Variants in SPO11 observed in about 807,000 individuals in gnomAD.
SPO11 encodes SPO11 initiator of meiotic double strand breaks, also known as meiotic recombination protein SPO11.
SPO11 carries 49 observed loss-of-function variants against 51.6 expected under a neutral mutation model. That is an observed-to-expected ratio of 0.95 (90% confidence interval 0.75 to 1.20). The LOEUF is 1.20. SPO11 is among the 50% of genes most tolerant of loss of function. The pLI, the probability that SPO11 is intolerant of heterozygous loss-of-function variation, is 0.00. For synonymous variants in SPO11, 176 were observed against 158.2 expected, an observed-to-expected ratio of 1.11 and a Z score of -0.84; for missense variants, 431 against 473.4, an observed-to-expected ratio of 0.91 and a Z score of 0.83.
rs566938450 is a variant in SPO11 at position 57,340,145 on chromosome 20, G to C, written c.926G>C (p.Arg309Thr). 5.6e-6 allele frequency: 9 copies of C among 1,612,740 alleles called. No individual in the cohort carries two copies. In the South Asian group the frequency reaches 9.9e-5, roughly 18 times the overall value. The change falls in exon 11 of 13, where the codon AGA (arginine) becomes ACA (threonine). Residue 309 changes from arginine (R) to threonine (T), a missense_variant. Coordinates refer to ENST00000371263, the MANE Select transcript of SPO11 (RefSeq NM_012444.3). ...EAHHLTVPAI[R>T]WLGLLPSDLK... Reference sequence around the variant, plus strand: ...CATCATCTCACAGTTCCAGCTATTAGATGGCTTGGTCTTCTCCCTTCTGAT... The same window carrying C: ...CATCATCTCACAGTTCCAGCTATTACATGGCTTGGTCTTCTCCCTTCTGAT...
At chr20:57,332,046 TTTACCTTGCC>T in intron 2 of SPO11, 100 bp downstream of exon 2, 1 of 665,898 alleles carries the variant, frequency 1.5e-6, no homozygotes, top group African/African-American at 1.9e-5. Context: ...TTTTATTGCC[TTTACCTTGCC>T]AAAAAAAAGG....
intron 9 of SPO11, 29 bp downstream of exon 9, chr20:57,338,404 A>G: frequency 7.0e-7 from 1 of 1,426,956 alleles, no homozygotes; most frequent in Non-Finnish European, 9.8e-7. Context: ...ATTTACAACA[A>G]TAGTCATAAC....
chr20:57,338,447 T>C, intron 9 of SPO11, 72 bp downstream of exon 9: 4 of 433,964 alleles, frequency 9.2e-6, no homozygotes, highest in Non-Finnish European at 1.4e-5. Context: ...TTTCTTCCTC[T>C]TTTTTTTTTT....
In SPO11 at chr20:57,334,794, C is replaced by G. The variant is rs765806190; in HGVS notation, c.555C>G (p.Ile185Met). ...TAATTGCTGGCAACTTAAGATACAT[C>G]GAGGAAGATGGCACCAAAGTGAATT... ...KGLIAGNLRY[I>M]EEDGTKVNCT... The change falls in exon 6 of 13, where the codon ATC becomes ATG. Residue 185 changes from isoleucine to methionine, a missense_variant. This residue lies in a region of SPO11 where 405 missense variants were observed against 425.9 expected (regional missense o/e 0.95). Transcript: ENST00000371263. The G allele has an allele frequency of 2.5e-6, 4 of 1,613,682 alleles. No individual in the cohort carries two copies. The highest frequency in any genetic ancestry group is 1.7e-6 in the Non-Finnish European group (2 of 1,179,850).
At position 57,330,016 on chromosome 20, in the gene SPO11, G is replaced by A. The variant is rs1220537417; in HGVS notation, c.131+18G>A. 3 of 1,565,728 alleles carry A rather than the reference G, an allele frequency of 1.9e-6. No individual in the cohort carries two copies. The highest frequency in any genetic ancestry group is 1.1e-5 in the South Asian group (1 of 87,348). On this transcript the variant is annotated intron_variant, in intron 1 of 12. Transcript: ENST00000371263. ...GCCTCCAGGTACAGGAGCTGGTGCC[G>A]AGGCGCGACGCAGCCACTCTGTAGA...
At chr20:57,333,335 C>G in intron 3 of SPO11, 59 bp downstream of exon 3, 1 of 1,240,956 alleles carries the variant, frequency 8.1e-7, no homozygotes, top group South Asian at 1.4e-5. Flanking sequence ...GTTATCTTCT[C>G]AATTTTATTT....
intron 10 of SPO11, among the ~76,000 whole-genome samples, chr20:57,339,344 C>T (rs1187843801): frequency 2.0e-5 from 3 of 152,080 alleles, no homozygotes; most frequent in Non-Finnish European, 4.4e-5. Flanking sequence ...CAAATATACT[C>T]GAAATATTAT....
At chr20:57,337,590 A>T in intron 8 of SPO11, 2 of 463,456 alleles carry the variant, frequency 4.3e-6, no homozygotes, top group African/African-American at 2.1e-5. Context: ...GCGCCATTTT[A>T]AATAACACTT....
At chr20:57,333,116 A>T (rs888340269) in intron 2 of SPO11, 72 bp from the exon 3 acceptor site, 21 of 1,099,844 alleles carry the variant, frequency 1.9e-5, no homozygotes, top group Non-Finnish European at 2.5e-5. Context: ...GCAGAAGACC[A>T]TAAGTATATA....
intron 6 of SPO11, 35 bp from the exon 7 acceptor site, chr20:57,335,384 C>G: frequency 6.4e-7 from 1 of 1,573,992 alleles, no homozygotes; most frequent in Non-Finnish European, 8.6e-7. Flanking sequence ...GGTTATTTTG[C>G]TTTTTATGTA....
At chr20:57,331,703 C>T (rs1018952448) in intron 1 of SPO11, 130 bp from the exon 2 acceptor site, 14 of 465,466 alleles carry the variant, frequency 3.0e-5, no homozygotes, top group Non-Finnish European at 5.0e-5. Flanking sequence ...TTTAAAACCC[C>T]ACCCCAATTA....
chr20:57,332,553 T>A lies in SPO11; in HGVS notation c.245+607T>A, dbSNP rs547925006. ...ATACAGAAACAAAATGAAAGGAATTTTGAGTCTCCTTCATCACTGTTGTTT... is the reference window on the plus strand; with the variant it reads ...ATACAGAAACAAAATGAAAGGAATTATGAGTCTCCTTCATCACTGTTGTTT... On this transcript the variant is annotated intron_variant, in intron 2 of 12. Transcript: ENST00000371263. Among the ~76,000 whole-genome samples the A allele has an allele frequency of 7.2e-5, 11 of 152,316 alleles. No homozygotes were observed. The South Asian group carries it at 2.3e-3, about 32-fold the overall frequency.
intron 9 of SPO11, 117 bp from the exon 10 acceptor site, chr20:57,338,872 A>C: frequency 1.6e-6 from 1 of 622,718 alleles, no homozygotes; most frequent in Non-Finnish European, 2.8e-6. Context: ...TGAGAATGAT[A>C]AATTTTTCAC....
At chr20:57,343,214 C>A in intron 12 of SPO11, 127 bp from the exon 13 acceptor site, 2 of 1,072,682 alleles carry the variant, frequency 1.9e-6, no homozygotes, top group Non-Finnish European at 2.7e-6. Flanking sequence ...CTGGAATATT[C>A]TGGCTGACCC....
chr20:57,340,272 T>A, intron 11 of SPO11, 94 bp downstream of exon 11: 1 of 720,132 alleles, frequency 1.4e-6, no homozygotes, highest in Non-Finnish European at 2.4e-6. Context: ...GGAAAGCTCT[T>A]AATGTTTTTT....
chr20:57,338,358 T>C lies in SPO11; in HGVS notation c.827T>C (p.Val276Ala). The change falls in exon 9 of 13, where the codon GTA (valine) becomes GCA (alanine). Residue 276 changes from valine to alanine, a missense_variant. By Grantham distance (64) the Val-to-Ala change is moderately conservative (BLOSUM62 0). This residue lies in a region of SPO11 where 405 missense variants were observed against 425.9 expected (regional missense o/e 0.95). Coordinates refer to ENST00000371263, the MANE Select transcript of SPO11 (RefSeq NM_012444.3). ...DTFHVPVFTL[V>A]DADPHGIEIM... ...TTTCATGTTCCTGTTTTCACTCTTG[T>C]AGATGCTGATCCACATGGTAATTTA... 1 of 1,610,938 alleles carries C rather than the reference T, an allele frequency of 6.2e-7. No homozygotes were observed. The highest frequency in any genetic ancestry group is 2.2e-5 in the East Asian group (1 of 44,866).
rs2066610002 is a variant in SPO11, at chr20:57,343,605, T to A, written c.*145T>A. 7 of 1,000,028 alleles carry A rather than the reference T, an allele frequency of 7.0e-6. No homozygotes were observed. In the South Asian group the frequency reaches 1.5e-4, roughly 22 times the overall value. The allele number at this position is 1,000,028 out of a possible 1,614,324, so 61.9% of individuals were successfully genotyped here. A position where few individuals can be genotyped will look rare whatever the true frequency, so the allele number is the denominator to read the frequency against. On this transcript the variant is annotated 3_prime_UTR_variant, in exon 13 of 13. Transcript: ENST00000371263. ...TAACTTTCCGTTAATTATATATTTT[T>A]GTCAAAACAAATGCTGTACTCCAAT...
intron 3 of SPO11, 84 bp downstream of exon 3, chr20:57,333,360 A>C (rs1166440520): frequency 5.2e-6 from 5 of 966,328 alleles, no homozygotes; most frequent in Non-Finnish European, 7.7e-6. Flanking sequence ...CTAGTTAAAT[A>C]ATTTTACCTG....
Position 57,335,895 on chromosome 20 carries a change from C to A in SPO11, c.732C>A (p.Cys244Ter). ...DDNFCNKLSP[C>*]IMITGKGVPD... ...ACTTTTGCAACAAATTGTCTCCTTG[C>A]ATCATGATTACGGTATATTATCTAA... The change falls in exon 8 of 13, where the codon TGC becomes TGA. Residue 244 changes from cysteine (C) to a stop codon, truncating the protein, a stop_gained. Coordinates refer to ENST00000371263, the MANE Select transcript of SPO11 (RefSeq NM_012444.3). LOFTEE classifies it high-confidence loss of function. The A allele has an allele frequency of 6.3e-7, 1 of 1,599,872 alleles. No individual in the cohort carries two copies. Among genetic ancestry groups the A allele is most frequent in the Non-Finnish European group, 8.6e-7 (1 of 1,167,626 alleles).
Sources: allele counts gnomAD v4.1 joint callset (sites outside exome capture counted in the v4.1 genomes callset), GRCh38; gene constraint gnomAD v4.1.1; regional missense constraint gnomAD v4.1.1; transcripts MANE v1.5; gene names NCBI Gene and HGNC (gene_info 2026-07-23, HGNC 2026-07-21).